Variants in STK26 observed in about 807,000 individuals in gnomAD.
The protein encoded by STK26 is serine/threonine-protein kinase 26.
Under a neutral mutation model 34.7 loss-of-function variants are expected in STK26, and 14 were observed. The observed-to-expected ratio is 0.40, with a 90% confidence interval of 0.27 to 0.63. The LOEUF (loss-of-function observed/expected upper bound fraction) is 0.63, where lower values mean the gene tolerates loss of function less well. STK26 is among the 30% of genes least tolerant of loss of function. The probability of loss-of-function intolerance (pLI) is 0.38; values close to 1 mark genes in which losing one functional copy is unlikely to be tolerated. For synonymous variants in STK26, 100 were observed against 109.8 expected, an observed-to-expected ratio of 0.91 and a Z score of 0.56; for missense variants, 226 against 309.1, an observed-to-expected ratio of 0.73 and a Z score of 2.02.
At chrX:132,043,105 G>T (rs1926323485) in intron 2 of STK26, among the ~76,000 whole-genome samples, 2 of 111,797 alleles carry the variant, frequency 1.8e-5, no homozygotes, top group Admixed American at 1.9e-4. Flanking sequence ...CAAACATATT[G>T]ATTTTAATTG....
chrX:132,048,786 T>C (rs1313577150), intron 2 of STK26, among the ~76,000 whole-genome samples: 1 of 111,331 alleles, frequency 9.0e-6, no homozygotes, highest in Non-Finnish European at 1.9e-5. Flanking sequence ...TTGCTGATGG[T>C]GATGATAAAG....
chrX:132,043,747 A>C (rs1024430677), intron 2 of STK26, among the ~76,000 whole-genome samples: 1 of 111,509 alleles, frequency 9.0e-6, no homozygotes, highest in African/African-American at 3.3e-5. Flanking sequence ...CAGGACATAC[A>C]GTAGACATGT....
chrX:132,066,729 T>C (rs1908022349), intron 4 of STK26, among the ~76,000 whole-genome samples: 1 of 112,237 alleles, frequency 8.9e-6, no homozygotes, highest in Admixed American at 9.5e-5. Flanking sequence ...TTTTAAAAAC[T>C]TCTGTATTAG....
rs955740755 is a variant in STK26, at chrX:132,072,738, G to A, written c.1027-75G>A. The A allele has an allele frequency of 2.1e-5, 22 of 1,043,111 alleles. No individual in the cohort carries two copies. In the Admixed American group the frequency reaches 2.3e-4, roughly 11 times the overall value. 86.0% of individuals were successfully genotyped at this position (1,043,111 alleles called of 1,213,427 possible). A position where few individuals can be genotyped will look rare whatever the true frequency, so the allele number is the denominator to read the frequency against. ...TTCAGTAGGGGATTCAAATTAGTTC[G>A]TATTTGTTAAAGAATAAGAAAATCA... On this transcript the variant is annotated intron_variant, in intron 9 of 11. Transcript: ENST00000394334.
At position 132,040,009 on chromosome X, in the gene STK26, T is replaced by C. The variant is rs760370596; in HGVS notation, c.43-14622T>C. 4.5e-5 allele frequency among the ~76,000 whole-genome samples: 5 copies of C among 112,201 alleles called. No homozygotes were observed. The South Asian group carries it at 1.8e-3, about 41-fold the overall frequency. On this transcript the variant is annotated intron_variant, in intron 2 of 11. Transcript: ENST00000394334. ...CCGGAGAGCAGTTAATTTTTTCATA[T>C]AAGGATTCTTTAGGGTAGCAGTGGT...
intron 11 of STK26, among the ~76,000 whole-genome samples, 189 bp from the exon 12 acceptor site, chrX:132,073,946 G>A (rs760166004): frequency 4.5e-5 from 5 of 111,242 alleles, no homozygotes; most frequent in South Asian, 3.8e-4. Context: ...CAAATCAATC[G>A]GAAGTTGTGA....
chrX:132,068,303 A>G lies in STK26; in HGVS notation c.419A>G (p.Lys140Arg). The G allele has an allele frequency of 8.3e-7, 1 of 1,203,921 alleles. No homozygotes were observed. The highest frequency in any genetic ancestry group is 2.3e-5 in the Admixed American group (1 of 44,395). Residue 140 changes from lysine to arginine, a missense_variant, in exon 5 of 12, where the codon AAA becomes AGA. By Grantham distance (26) the Lys-to-Arg change is conservative (BLOSUM62 2). Transcript: ENST00000394334. ...KGLDYLHSEK[K>R]IHRDIKAANV... ...CTGGACTATCTGCATTCAGAAAAGA[A>G]AATTCACCGAGACATAAAAGGTATA...
intron 3 of STK26, among the ~76,000 whole-genome samples, chrX:132,059,869 C>T (rs1266467143): frequency 9.0e-6 from 1 of 111,427 alleles, no homozygotes; most frequent in African/African-American, 3.3e-5. Context: ...TTCACTGAAA[C>T]TGTATGTGCT....
At chrX:132,050,830 C>T (rs988761717) in intron 2 of STK26, among the ~76,000 whole-genome samples, 6 of 111,266 alleles carry the variant, frequency 5.4e-5, no homozygotes, top group African/African-American at 2.0e-4. Context: ...TAATGGGTTC[C>T]CTGTAATCAA....
intron 3 of STK26, among the ~76,000 whole-genome samples, chrX:132,062,502 C>T (rs1927086915): frequency 8.9e-6 from 1 of 111,775 alleles, no homozygotes; most frequent in African/African-American, 3.3e-5. Flanking sequence ...CTACACTCTC[C>T]CTTTTTCTTA....
chrX:132,026,122 A>G (rs1935094988), intron 2 of STK26, among the ~76,000 whole-genome samples: 1 of 112,110 alleles, frequency 8.9e-6, no homozygotes, highest in South Asian at 3.7e-4. Context: ...TACTTTATCC[A>G]CAATTATTTT....
rs185701480 is a variant in STK26, at chrX:132,037,241, C to T, written c.42+13582C>T. ...ATATAATAGTATTGTCAGGATTTTA[C>T]ACATGATGCACTTTTATTGTAACAC... On this transcript the variant is annotated intron_variant, in intron 2 of 11. Transcript: ENST00000394334. 4.5e-5 allele frequency among the ~76,000 whole-genome samples: 5 copies of T among 111,862 alleles called. No homozygotes were observed. In the East Asian group the frequency reaches 1.4e-3, roughly 31 times the overall value.
At chrX:132,024,859 C>A (rs1487242009) in intron 2 of STK26, among the ~76,000 whole-genome samples, 1 of 106,879 alleles carries the variant, frequency 9.4e-6, no homozygotes, top group Non-Finnish European at 1.9e-5. Flanking sequence ...CTTGGTGTGT[C>A]CTAAACACCA....
intron 2 of STK26, among the ~76,000 whole-genome samples, chrX:132,028,180 A>G (rs1481543910): frequency 1.8e-5 from 2 of 109,656 alleles, no homozygotes; most frequent in African/African-American, 6.7e-5. Context: ...GGCTATTTCA[A>G]TGGGTCAATC....
chrX:132,058,172 C>T (rs577601070), intron 3 of STK26, among the ~76,000 whole-genome samples: 1 of 111,190 alleles, frequency 9.0e-6, no homozygotes, highest in African/African-American at 3.3e-5. Flanking sequence ...TGAGTGATTA[C>T]GCAGTCTCAG....
chrX:132,055,505 T>C, intron 3 of STK26: 3 of 1,153,770 alleles, frequency 2.6e-6, no homozygotes, highest in Non-Finnish European at 3.4e-6. Context: ...GAGGTGTTAC[T>C]ACATAGCAGA....
chrX:132,031,631 TC>T (rs896939415), intron 2 of STK26, among the ~76,000 whole-genome samples: 1 of 112,101 alleles, frequency 8.9e-6, no homozygotes, highest in African/African-American at 3.3e-5. Context: ...CAGGATCTCA[TC>T]CCTTTTTACA....
chrX:132,049,579 T>G, intron 2 of STK26, among the ~76,000 whole-genome samples: 1 of 112,103 alleles, frequency 8.9e-6, no homozygotes, highest in Admixed American at 9.4e-5. Context: ...TATCTCTAGT[T>G]TAGTACATTG....
chrX:132,044,736 G>T (rs1326630371), intron 2 of STK26, among the ~76,000 whole-genome samples: 1 of 68,154 alleles, frequency 1.5e-5, no homozygotes, highest in South Asian at 6.6e-4. Flanking sequence ...TATATATATA[G>T]AGAGATCTAT....
Sources: allele counts gnomAD v4.1 joint callset (sites outside exome capture counted in the v4.1 genomes callset), GRCh38; gene constraint gnomAD v4.1.1; transcripts MANE v1.5; gene names NCBI Gene and HGNC (gene_info 2026-07-23, HGNC 2026-07-21).